The following ZNF382 variants were observed in gnomAD, a reference collection of about 807,000 sequenced individuals.
ZNF382 encodes zinc finger protein 382.
In ZNF382, 20 loss-of-function variants were observed where a neutral mutation model predicts 38.8. The ratio of observed to expected loss-of-function variants is 0.51; its 90% CI spans 0.36 to 0.75. The LOEUF (loss-of-function observed/expected upper bound fraction) is 0.75, where lower values mean the gene tolerates loss of function less well. Among genes scored for constraint, ZNF382 ranks in the 30% least tolerant of loss-of-function variants. The pLI, the probability that ZNF382 is intolerant of heterozygous loss-of-function variation, is 0.00. For missense variants in ZNF382, 546 were observed against 654.1 expected (o/e 0.83, Z 1.80); for synonymous variants, 202 against 223.1 (o/e 0.91, Z 0.84).
At chr19:36,623,144 T>C (rs2037182659) in intron 4 of ZNF382, among the ~76,000 whole-genome samples, 1 of 152,188 alleles carries the variant, frequency 6.6e-6, no homozygotes, top group Non-Finnish European at 1.5e-5. Context: ...ATCCAGTAGT[T>C]ATCTTATTGA....
chr19:36,611,130 A>G (rs917878626), intron 4 of ZNF382, among the ~76,000 whole-genome samples: 1 of 152,114 alleles, frequency 6.6e-6, no homozygotes, highest in Admixed American at 6.6e-5. Flanking sequence ...TCTACTAAAA[A>G]TACAAAAAAA....
chr19:36,614,906 T>TCCC (rs1273427203), intron 4 of ZNF382, among the ~76,000 whole-genome samples: 10 of 69,368 alleles, frequency 1.4e-4, no homozygotes, highest in Admixed American at 7.2e-4. Context: ...TTCCTTTCCT[T>TCCC]TCCTTTCCTT....
At chr19:36,624,676 G>C (rs1034047301) in intron 4 of ZNF382, among the ~76,000 whole-genome samples, 1 of 152,124 alleles carries the variant, frequency 6.6e-6, no homozygotes, top group Non-Finnish European at 1.5e-5. Flanking sequence ...CTGAAAAGAA[G>C]TAATTTGGCA....
intron 4 of ZNF382, 123 bp from the exon 5 acceptor site, chr19:36,626,007 A>C: frequency 3.4e-6 from 2 of 586,170 alleles, no homozygotes; most frequent in South Asian, 1.1e-4. Flanking sequence ...ACCAAGAGGT[A>C]ATTTATTCTG....
intron 4 of ZNF382, among the ~76,000 whole-genome samples, chr19:36,615,886 A>G (rs753538755): frequency 6.6e-6 from 1 of 152,236 alleles, no homozygotes; most frequent in African/African-American, 2.4e-5. Flanking sequence ...GAATAAAAAT[A>G]TGTGCTCATA....
intron 4 of ZNF382, among the ~76,000 whole-genome samples, chr19:36,622,666 T>A (rs1312590041): frequency 6.6e-6 from 1 of 152,252 alleles, no homozygotes; most frequent in East Asian, 1.9e-4. Flanking sequence ...GAGCTGATGC[T>A]TGCTGCATGA....
chr19:36,614,636 A>G (rs1001731121), intron 4 of ZNF382, among the ~76,000 whole-genome samples: 2 of 152,048 alleles, frequency 1.3e-5, no homozygotes, highest in African/African-American at 2.4e-5. Flanking sequence ...TATTGTACAT[A>G]GTAAGAGTGG....
chr19:36,626,477 A>G lies in ZNF382; in HGVS notation c.580A>G (p.Ser194Gly), dbSNP rs747027881. The G allele has an allele frequency of 3.1e-6, 5 of 1,601,684 alleles. No individual in the cohort carries two copies. The East Asian group carries it at 6.7e-5, about 21-fold the overall frequency. ...NLHKQTERVLSGKQELIQHQK... is the reference protein window; with the variant it reads ...NLHKQTERVLGGKQELIQHQK... The stretch of plus-strand genomic sequence containing the variant: ...CCATAAACAAACAGAAAGAGTTCTC[A>G]GTGGTAAACAGGAGCTTATTCAGCA... Residue 194 changes from serine to glycine, a missense_variant, in exon 5 of 5, where the codon AGT (serine) becomes GGT (glycine). Physicochemically the swap from Ser to Gly is moderately conservative, Grantham distance 56. Coordinates refer to ENST00000292928, the MANE Select transcript of ZNF382 (RefSeq NM_032825.5).
chr19:36,621,344 T>C (rs1484165718), intron 4 of ZNF382, among the ~76,000 whole-genome samples: 156 of 149,994 alleles, frequency 1.0e-3, no homozygotes, highest in Non-Finnish European at 1.9e-3. Context: ...TTTTTTTTTT[T>C]TTCCAGTTTT....
rs2037260131 is a variant in ZNF382 at position 36,632,502 on chromosome 19, G to C, written c.*4952G>C. 1 of 152,182 alleles carries C rather than the reference G, an allele frequency of 6.6e-6. No homozygotes were observed. Among genetic ancestry groups the C allele is most frequent in the South Asian group, 2.1e-4 (1 of 4,818 alleles). The allele number at this position is 152,182 out of a possible 1,614,324, so 9.4% of individuals were successfully genotyped here. A position where few individuals can be genotyped will look rare whatever the true frequency, so the allele number is the denominator to read the frequency against. On this transcript the variant is annotated 3_prime_UTR_variant, in exon 5 of 5. Coordinates refer to ENST00000292928, the MANE Select transcript of ZNF382 (RefSeq NM_032825.5). ...GCCACCGTGCCCAGCCACTGCATGG[G>C]TATTTATGCTTCTCTGTTCACTGGT...
chr19:36,615,281 G>A (rs1423479594), intron 4 of ZNF382, among the ~76,000 whole-genome samples: 1 of 151,932 alleles, frequency 6.6e-6, no homozygotes, highest in African/African-American at 2.4e-5. Context: ...ACTGCCCCCC[G>A]ACTATTTTTA....
Position 36,626,470 on chromosome 19 carries a change from A to G in ZNF382, c.573A>G (p.Arg191=), listed in dbSNP as rs1314952429. 5.6e-6 allele frequency: 9 copies of G among 1,603,702 alleles called. No homozygotes were observed. Among genetic ancestry groups the G allele is most frequent in the Non-Finnish European group, 4.2e-6 (5 of 1,177,082 alleles). Residue 191 remains arginine (R), a synonymous_variant, in exon 5 of 5, where the codon AGA becomes AGG. Coordinates refer to ENST00000292928, the MANE Select transcript of ZNF382 (RefSeq NM_032825.5). ...TGAATCTCCATAAACAAACAGAAAGAGTTCTCAGTGGTAAACAGGAGCTTA... is the reference window on the plus strand; with the variant it reads ...TGAATCTCCATAAACAAACAGAAAGGGTTCTCAGTGGTAAACAGGAGCTTA... ...PAVNLHKQTE[R]VLSGKQELIQ... is the part of the protein sequence containing the mutation.
At chr19:36,610,827 TGTG>T in intron 4 of ZNF382, 85 bp downstream of exon 4, 1 of 1,016,564 alleles carries the variant, frequency 9.8e-7, no homozygotes, top group African/African-American at 1.6e-5. Flanking sequence ...TTTTTGTTAT[TGTG>T]GTAAAATACA....
In ZNF382 at chr19:36,626,565, T is replaced by C. The variant is rs1348485663; in HGVS notation, c.668T>C (p.Met223Thr). The stretch of plus-strand genomic sequence containing the variant: ...AATGAATGTGAAAAATCCTTCCTGA[T>C]GAAAGGAATGCTATTTACACATACT... ...DHNECEKSFL[M>T]KGMLFTHTRA... Residue 223 changes from methionine to threonine, a missense_variant, in exon 5 of 5, where the codon ATG (methionine) becomes ACG (threonine). Physicochemically the swap from Met to Thr is moderately conservative, Grantham distance 81 (BLOSUM62 -1). Coordinates refer to ENST00000292928, the MANE Select transcript of ZNF382 (RefSeq NM_032825.5). The C allele has an allele frequency of 6.2e-7, 1 of 1,613,732 alleles. No individual in the cohort carries two copies. Among genetic ancestry groups the C allele is most frequent in the Admixed American group, 1.7e-5 (1 of 59,918 alleles).
At chr19:36,617,832 G>A (rs2037137540) in intron 4 of ZNF382, among the ~76,000 whole-genome samples, 1 of 152,060 alleles carries the variant, frequency 6.6e-6, no homozygotes, top group Admixed American at 6.6e-5. Flanking sequence ...TATTGAGAGT[G>A]GGGGATTCCA....
At chr19:36,611,978 G>C (rs2037081068) in intron 4 of ZNF382, among the ~76,000 whole-genome samples, 1 of 152,158 alleles carries the variant, frequency 6.6e-6, no homozygotes, top group African/African-American at 2.4e-5. Context: ...AAATATTGCT[G>C]CTATTACCTT....
chr19:36,610,085 T>G (rs1048785423), intron 3 of ZNF382, 32 bp downstream of exon 3: 21 of 1,606,968 alleles, frequency 1.3e-5, no homozygotes, highest in Non-Finnish European at 1.8e-5. Context: ...TTCACTGTCA[T>G]GCATCTCCTT....
chr19:36,613,818 A>G (rs748135152), intron 4 of ZNF382, among the ~76,000 whole-genome samples: 73 of 152,094 alleles, frequency 4.8e-4, no homozygotes, highest in Non-Finnish European at 4.7e-4. Flanking sequence ...TCGAGAGTCT[A>G]TTCTTCTATA....
chr19:36,620,944 A>G (rs1340548400), intron 4 of ZNF382, among the ~76,000 whole-genome samples: 1 of 151,946 alleles, frequency 6.6e-6, no homozygotes, highest in Non-Finnish European at 1.5e-5. Context: ...TTTTCAGTAG[A>G]GGTGGGGTTT....
Sources: gnomAD v4.1 joint callset for allele counts (sites outside exome capture counted in the v4.1 genomes callset) on GRCh38, gnomAD v4.1.1 for gene constraint, MANE v1.5 for transcripts, NCBI Gene and HGNC (gene_info 2026-07-23, HGNC 2026-07-21) for gene names.